XKR9: variants seen among roughly 807,000 people sequenced by gnomAD.
The protein encoded by XKR9 is XK-related protein 9.
Under a neutral mutation model 32.0 loss-of-function variants are expected in XKR9, and 32 were observed. The ratio of observed to expected loss-of-function variants is 1.00; its 90% CI spans 0.76 to 1.34. XKR9 has a LOEUF of 1.34. XKR9 is among the 40% of genes most tolerant of loss of function. The probability of loss-of-function intolerance (pLI) is 0.00; values close to 1 mark genes in which losing one functional copy is unlikely to be tolerated. For synonymous variants in XKR9, 168 were observed against 143.4 expected (o/e 1.17, Z -1.22); for missense variants, 546 against 429.7 (o/e 1.27, Z -2.39).
Position 70,788,939 on chromosome 8 carries a change from G to T in XKR9, n.353-400G>T, listed in dbSNP as rs539434846. On this transcript the variant is annotated intron_variant and non_coding_transcript_variant, in intron 2 of 3. Transcript: ENST00000520273. Reference sequence around the variant, plus strand: ...GAACATTTTAGGTCCATATCCTGTTGTATGCTTGCTGATTGACTACTGGAC... The same window carrying T: ...GAACATTTTAGGTCCATATCCTGTTTTATGCTTGCTGATTGACTACTGGAC... Among the ~76,000 whole-genome samples, 68 of 152,172 alleles carry T rather than the reference G, an allele frequency of 4.5e-4. 2 individuals are homozygous for T. The South Asian group carries it at 0.011, about 25-fold the overall frequency.
the XKR9 span, among the ~76,000 whole-genome samples, chr8:70,874,138 T>C: frequency 6.6e-6 from 1 of 152,250 alleles, no homozygotes; most frequent in Non-Finnish European, 1.5e-5. Context: ...CACAGTATAG[T>C]GTAAACTTTT....
At chr8:71,050,946 C>A in the XKR9 span, among the ~76,000 whole-genome samples, 1 of 152,064 alleles carries the variant, frequency 6.6e-6, no homozygotes, top group East Asian at 1.9e-4. Flanking sequence ...ACTTCTCAAG[C>A]ATTTAATTAA....
At chr8:71,035,366 A>G in the XKR9 span, among the ~76,000 whole-genome samples, 4 of 152,204 alleles carry the variant, frequency 2.6e-5, no homozygotes, top group South Asian at 2.1e-4. Flanking sequence ...CCAAGAATGT[A>G]ATAAACAAGA....
the XKR9 span, among the ~76,000 whole-genome samples, chr8:70,819,069 A>G: frequency 6.7e-6 from 1 of 149,732 alleles, no homozygotes; most frequent in East Asian, 1.9e-4. Context: ...ACAGGCAAAG[A>G]CATACACCAG....
chr8:70,788,531 G>A (rs5892237), intron 2 of XKR9, among the ~76,000 whole-genome samples: 1 of 73,064 alleles, frequency 1.4e-5, no homozygotes, highest in Non-Finnish European at 4.6e-5. Flanking sequence ...CAGCGCAGAT[G>A]TTCATAAATT....
chr8:70,872,588 A>G, the XKR9 span, among the ~76,000 whole-genome samples: 1 of 152,220 alleles, frequency 6.6e-6, no homozygotes, highest in Admixed American at 6.5e-5. Flanking sequence ...TTTCACAGAT[A>G]TAAAGGAGAA....
At chr8:70,780,125 T>C (rs1346411994) in intron 2 of XKR9, among the ~76,000 whole-genome samples, 3 of 151,834 alleles carry the variant, frequency 2.0e-5, no homozygotes, top group Non-Finnish European at 2.9e-5. Context: ...TTAATCTCAA[T>C]ATTAGTAATT....
At chr8:71,017,908 T>C in the XKR9 span, among the ~76,000 whole-genome samples, 2 of 152,218 alleles carry the variant, frequency 1.3e-5, no homozygotes, top group Admixed American at 1.3e-4. Flanking sequence ...TTGTTGTTTT[T>C]GGGTGGATGC....
At chr8:70,845,564 T>C in the XKR9 span, among the ~76,000 whole-genome samples, 3 of 152,040 alleles carry the variant, frequency 2.0e-5, no homozygotes, top group Non-Finnish European at 4.4e-5. Flanking sequence ...AAGATATGAA[T>C]GTAAAATTCA....
downstream of XKR9, among the ~76,000 whole-genome samples, chr8:70,740,512 G>T (rs1370487407): frequency 5.3e-5 from 8 of 152,176 alleles, no homozygotes; most frequent in South Asian, 8.3e-4. Context: ...TGCTGGTGAG[G>T]AACTGCGTTC....
At chr8:70,799,787 TA>T in the XKR9 span, among the ~76,000 whole-genome samples, 3 of 152,210 alleles carry the variant, frequency 2.0e-5, no homozygotes, top group Non-Finnish European at 2.9e-5. Context: ...TTTCTAGATA[TA>T]GGATCATGTC....
the XKR9 span, among the ~76,000 whole-genome samples, chr8:70,943,283 T>C: frequency 1.3e-5 from 2 of 152,192 alleles, no homozygotes; most frequent in Non-Finnish European, 2.9e-5. Flanking sequence ...ATTTAACAAT[T>C]GTTGGTCAAA....
At chr8:71,047,117 G>T in the XKR9 span, among the ~76,000 whole-genome samples, 2 of 152,290 alleles carry the variant, frequency 1.3e-5, no homozygotes, top group South Asian at 2.1e-4. Context: ...AAATGAAAAA[G>T]CTTTATGAGA....
chr8:70,979,111 C>G, the XKR9 span, among the ~76,000 whole-genome samples: 2 of 152,134 alleles, frequency 1.3e-5, no homozygotes, highest in African/African-American at 4.8e-5. Flanking sequence ...CTTCTCTACA[C>G]TGCTTGTTCT....
At chr8:70,990,528 T>C in the XKR9 span, among the ~76,000 whole-genome samples, 7 of 152,228 alleles carry the variant, frequency 4.6e-5, no homozygotes, top group Non-Finnish European at 8.8e-5. Context: ...TTGTCATTCT[T>C]AGCTAATTTG....
At chr8:70,820,827 C>CT in the XKR9 span, among the ~76,000 whole-genome samples, 14 of 152,188 alleles carry the variant, frequency 9.2e-5, no homozygotes, top group African/African-American at 3.4e-4. Flanking sequence ...CACCTGATCT[C>CT]TTTCTTGACA....
At chr8:71,013,959 G>T in the XKR9 span, among the ~76,000 whole-genome samples, 1 of 152,022 alleles carries the variant, frequency 6.6e-6, no homozygotes, top group Non-Finnish European at 1.5e-5. Context: ...ATGGTACATT[G>T]TTCTCCAGGT....
At chr8:70,936,659 T>C in the XKR9 span, among the ~76,000 whole-genome samples, 2 of 152,046 alleles carry the variant, frequency 1.3e-5, no homozygotes, top group Non-Finnish European at 2.9e-5. Flanking sequence ...GTCCCGTTAA[T>C]TGAGCTGGGT....
chr8:70,974,780 G>A, the XKR9 span, among the ~76,000 whole-genome samples: 1 of 152,170 alleles, frequency 6.6e-6, no homozygotes, highest in South Asian at 2.1e-4. Context: ...GGGTCAAATG[G>A]TATTTCTAGT....
Sources: gnomAD v4.1 joint callset for allele counts (sites outside exome capture counted in the v4.1 genomes callset) on GRCh38, gnomAD v4.1.1 for gene constraint, MANE v1.5 for transcripts, NCBI Gene and HGNC (gene_info 2026-07-23, HGNC 2026-07-21) for gene names.